PYGB: variants seen among roughly 807,000 people sequenced by gnomAD.
PYGB encodes glycogen phosphorylase, brain form.
In PYGB, 82 loss-of-function variants were observed where a neutral mutation model predicts 94.3. The observed-to-expected ratio is 0.87, with a 90% confidence interval of 0.73 to 1.04. PYGB has a LOEUF of 1.04. Ranked by LOEUF, PYGB falls within the 50% of genes least tolerant of loss-of-function variation. PYGB has a pLI of 0.00. For missense variants in PYGB, 1,132 were observed against 1,158.2 expected (o/e 0.98, Z 0.33); for synonymous variants, 488 against 479.1 (o/e 1.02, Z -0.24).
At chr20:25,262,856 A>G (rs2092916716) in intron 2 of PYGB, among the ~76,000 whole-genome samples, 1 of 152,218 alleles carries the variant, frequency 6.6e-6, no homozygotes, top group Non-Finnish European at 1.5e-5. Context: ...ACAAAGATCA[A>G]AAGAGACAAA....
intron 2 of PYGB, among the ~76,000 whole-genome samples, chr20:25,259,848 C>G (rs920680232): frequency 6.6e-6 from 1 of 152,166 alleles, no homozygotes; most frequent in Non-Finnish European, 1.5e-5. Context: ...TTTCACAGTT[C>G]CTTTGTGGTT....
chr20:25,258,207 A>C (rs1050255839), intron 1 of PYGB, among the ~76,000 whole-genome samples: 4 of 152,200 alleles, frequency 2.6e-5, no homozygotes, highest in Non-Finnish European at 5.9e-5. Flanking sequence ...TGTATTAAAA[A>C]CTTTATGGAC....
intron 15 of PYGB, chr20:25,289,892 T>A (rs765523246): frequency 5.6e-6 from 3 of 533,544 alleles, no homozygotes; most frequent in South Asian, 4.2e-5. Context: ...ACCTAAAGCA[T>A]TGGACAGGAG....
chr20:25,294,885 T>C, intron 18 of PYGB: 1 of 1,459,774 alleles, frequency 6.9e-7, no homozygotes. Flanking sequence ...GGGCTGGGAA[T>C]TCACCTGCCC....
intron 14 of PYGB, among the ~76,000 whole-genome samples, chr20:25,287,772 G>A (rs904361890): frequency 1.3e-5 from 2 of 152,194 alleles, no homozygotes; most frequent in African/African-American, 2.4e-5. Context: ...TTGAGCGTGG[G>A]AGTTTGAAAC....
At chr20:25,270,198 T>TGC (rs2088254053) in intron 3 of PYGB, among the ~76,000 whole-genome samples, 1 of 30,372 alleles carries the variant, frequency 3.3e-5, no homozygotes, top group Non-Finnish European at 6.4e-5. Flanking sequence ...TTTTTTTTGT[T>TGC]TTGTTTTGTT....
chr20:25,271,619 G>A (rs913236367), intron 4 of PYGB, 133 bp downstream of exon 4: 14 of 950,332 alleles, frequency 1.5e-5, no homozygotes, highest in Non-Finnish European at 2.1e-5. Flanking sequence ...GCAATGTGGA[G>A]CAGGTCAGGG....
intron 1 of PYGB, among the ~76,000 whole-genome samples, chr20:25,250,391 CTT>C (rs898331171): frequency 2.0e-5 from 3 of 152,254 alleles, no homozygotes; most frequent in Non-Finnish European, 2.9e-5. Context: ...CGTGAGATCT[CTT>C]TTGATTGTCT....
chr20:25,261,309 G>A (rs1053838470), intron 2 of PYGB, among the ~76,000 whole-genome samples: 12 of 152,206 alleles, frequency 7.9e-5, no homozygotes, highest in East Asian at 1.9e-4. Context: ...AGGCAGCAAC[G>A]TTTGCTGTTC....
chr20:25,297,290 A>AAAAT lies in PYGB; in HGVS notation c.*771_*774dup, dbSNP rs2088562577. 1.3e-5 allele frequency: 2 copies of AAAAT among 152,270 alleles called. No individual in the cohort carries two copies. Among genetic ancestry groups the AAAAT allele is most frequent in the African/African-American group, 4.8e-5 (2 of 41,462 alleles). The allele number at this position is 152,270 out of a possible 1,614,324, so 9.4% of individuals were successfully genotyped here. A position where few individuals can be genotyped will look rare whatever the true frequency, so the allele number is the denominator to read the frequency against. On this transcript the variant is annotated 3_prime_UTR_variant, in exon 20 of 20. Coordinates refer to ENST00000216962, the MANE Select transcript of PYGB (RefSeq NM_002862.4). ...GCTTGGTTTTGCTTATTCAAAAGAG[A>AAAAT]AAATAACTACACATGGAAATGAAAC...
At chr20:25,250,205 A>C (rs6050486) in intron 1 of PYGB, among the ~76,000 whole-genome samples, 1 of 152,242 alleles carries the variant, frequency 6.6e-6, no homozygotes, top group East Asian at 1.9e-4. Flanking sequence ...CTCTGCCTTC[A>C]CATTCAAGGG....
At chr20:25,276,260 A>G (rs1167754820) in intron 5 of PYGB, among the ~76,000 whole-genome samples, 1 of 152,010 alleles carries the variant, frequency 6.6e-6, no homozygotes, top group African/African-American at 2.4e-5. Context: ...GCTAGAGCAG[A>G]GTTGACTGAG....
chr20:25,255,093 G>A (rs895339821), intron 1 of PYGB, among the ~76,000 whole-genome samples: 3 of 152,200 alleles, frequency 2.0e-5, no homozygotes, highest in Non-Finnish European at 2.9e-5. Context: ...AGAAAGTACC[G>A]TGTGACATCA....
At chr20:25,277,882 A>G (rs2088327860) in intron 7 of PYGB, among the ~76,000 whole-genome samples, 1 of 152,240 alleles carries the variant, frequency 6.6e-6, no homozygotes, top group Non-Finnish European at 1.5e-5. Context: ...AAGTCCTTAG[A>G]AGATGCCCTA....
intron 4 of PYGB, among the ~76,000 whole-genome samples, chr20:25,273,585 C>T (rs998427259): frequency 3.9e-5 from 6 of 152,188 alleles, no homozygotes; most frequent in African/African-American, 9.7e-5. Flanking sequence ...TACTCTGTCA[C>T]GTGGTGGTAA....
chr20:25,281,642 C>T (rs1249303540), intron 11 of PYGB, among the ~76,000 whole-genome samples: 2 of 152,164 alleles, frequency 1.3e-5, no homozygotes, highest in Non-Finnish European at 2.9e-5. Flanking sequence ...GCGTGGCGCC[C>T]GCAGCAAGCT....
rs1321384824 is a variant in PYGB, at chr20:25,283,293, G to A, written c.1620+16G>A. 3.7e-6 allele frequency: 6 copies of A among 1,603,096 alleles called. No individual in the cohort carries two copies. The East Asian group carries it at 8.9e-5, about 24-fold the overall frequency. ...GGTCAAACAGGTAGGCATGGCCCTG[G>A]CCCCAGCCCCGACCCCAGCCCTCCC... On this transcript the variant is annotated intron_variant, in intron 13 of 19. Coordinates refer to ENST00000216962, the MANE Select transcript of PYGB (RefSeq NM_002862.4).
chr20:25,261,363 C>G lies in PYGB; in HGVS notation c.345+2025C>G, dbSNP rs370379875. Among the ~76,000 whole-genome samples, 689 of 152,318 alleles carry G rather than the reference C, an allele frequency of 4.5e-3. 2 individuals carry two copies. The highest frequency in any genetic ancestry group is 8.0e-3 in the Non-Finnish European group (542 of 68,020). On this transcript the variant is annotated intron_variant, in intron 2 of 19. Transcript: ENST00000216962. The stretch of plus-strand genomic sequence containing the variant: ...GCAGCCTCTGCTGGTGATACCCAGG[C>G]AAACAGGGTCTGGAGTGGACCTCCA...
Position 25,290,591 on chromosome 20 carries a change from G to A in PYGB, c.1938G>A (p.Leu646=). ...GTGACAGGTTGAAAGTGATCTTCCT[G>A]GAGAACTACCGTGTGTCCTTGGCTG... ...VVGDRLKVIF[L]ENYRVSLAEK... The change falls in exon 16 of 20, where the codon CTG becomes CTA. Residue 646 remains leucine (L), a synonymous_variant. Transcript: ENST00000216962. 5 of 1,608,126 alleles carry A rather than the reference G, an allele frequency of 3.1e-6. No homozygotes were observed. The highest frequency in any genetic ancestry group is 4.3e-6 in the Non-Finnish European group (5 of 1,174,858).
Sources: gnomAD v4.1 joint callset for allele counts (sites outside exome capture counted in the v4.1 genomes callset) on GRCh38, gnomAD v4.1.1 for gene constraint, MANE v1.5 for transcripts, NCBI Gene and HGNC (gene_info 2026-07-23, HGNC 2026-07-21) for gene names.